Variants in WDR70 observed in about 807,000 individuals in gnomAD.
WDR70 encodes WD repeat domain 70, also known as WD repeat-containing protein 70.
A neutral mutation model predicts 88.6 loss-of-function variants in WDR70; 53 were observed. That is an observed-to-expected ratio of 0.60 (90% confidence interval 0.48 to 0.75). WDR70 has a LOEUF of 0.75. WDR70 is among the 30% of genes least tolerant of loss of function. WDR70 has a pLI of 0.00. For synonymous variants in WDR70, 280 were observed against 270.0 expected (o/e 1.04, Z -0.36); for missense variants, 610 against 823.2 (o/e 0.74, Z 3.17).
At chr5:37,388,106 A>G (rs947491427) in intron 3 of WDR70, among the ~76,000 whole-genome samples, 1 of 152,066 alleles carries the variant, frequency 6.6e-6, no homozygotes, top group Admixed American at 6.6e-5. Context: ...TGTGTAGGAC[A>G]TATGAAATAC....
At chr5:37,537,226 T>G (rs1447869211) in intron 9 of WDR70, among the ~76,000 whole-genome samples, 2 of 152,106 alleles carry the variant, frequency 1.3e-5, no homozygotes, top group Admixed American at 6.6e-5. Context: ...GACAAAAATT[T>G]TGGGAAAATA....
At chr5:37,633,704 C>T (rs1037331297) in intron 10 of WDR70, among the ~76,000 whole-genome samples, 30 of 151,910 alleles carry the variant, frequency 2.0e-4, no homozygotes, top group Admixed American at 1.6e-3. Context: ...TTCACTGAAT[C>T]GTAGTTTGAA....
At chr5:37,510,979 G>A (rs867357816) in intron 8 of WDR70, among the ~76,000 whole-genome samples, 23 of 152,292 alleles carry the variant, frequency 1.5e-4, no homozygotes, top group Middle Eastern at 3.4e-3. Flanking sequence ...GTTTGTCCTT[G>A]CATTGGTGAT....
intron 7 of WDR70, among the ~76,000 whole-genome samples, chr5:37,470,860 T>G (rs1013231418): frequency 6.6e-6 from 1 of 152,008 alleles, no homozygotes; most frequent in African/African-American, 2.4e-5. Flanking sequence ...AGGTCATTGA[T>G]TATGCATACA....
At chr5:37,503,681 A>G (rs1740469871) in intron 8 of WDR70, among the ~76,000 whole-genome samples, 2 of 152,178 alleles carry the variant, frequency 1.3e-5, no homozygotes, top group Admixed American at 6.5e-5. Flanking sequence ...TAGTTTCAGT[A>G]GGATTGGCAC....
At chr5:37,748,251 A>G (rs1023990277) in intron 17 of WDR70, among the ~76,000 whole-genome samples, 3 of 152,226 alleles carry the variant, frequency 2.0e-5, no homozygotes, top group Non-Finnish European at 4.4e-5. Flanking sequence ...CTACAAGGTT[A>G]CAGTAACCAA....
chr5:37,529,186 A>AT (rs1191391837), intron 9 of WDR70, among the ~76,000 whole-genome samples: 1 of 151,798 alleles, frequency 6.6e-6, no homozygotes, highest in African/African-American at 2.4e-5. Context: ...CTTTGTGCCT[A>AT]TTTTTATACC....
At chr5:37,576,771 T>A (rs993444819) in intron 9 of WDR70, among the ~76,000 whole-genome samples, 3 of 152,090 alleles carry the variant, frequency 2.0e-5, no homozygotes, top group African/African-American at 7.2e-5. Context: ...AGTCTTTTTT[T>A]TTTTTTTCCT....
intron 5 of WDR70, among the ~76,000 whole-genome samples, chr5:37,422,091 G>A (rs932050570): frequency 3.3e-5 from 5 of 151,904 alleles, no homozygotes; most frequent in African/African-American, 9.7e-5. Context: ...TGAGGGTAAA[G>A]GATAAGGATG....
intron 10 of WDR70, among the ~76,000 whole-genome samples, chr5:37,609,291 A>C (rs929911425): frequency 1.3e-5 from 2 of 152,172 alleles, no homozygotes; most frequent in Non-Finnish European, 1.5e-5. Flanking sequence ...TCTCTTTATA[A>C]TTCTGGGCTT....
chr5:37,516,421 T>C, intron 8 of WDR70, 93 bp from the exon 9 acceptor site: 1 of 680,602 alleles, frequency 1.5e-6, no homozygotes, highest in South Asian at 2.2e-5. Flanking sequence ...GAACTAAACA[T>C]TTTTACATTT....
rs577179872 is a variant in WDR70, at chr5:37,443,117, T to C, written c.553-122T>C. 4.0e-6 allele frequency: 4 copies of C among 1,002,094 alleles called. No homozygotes were observed. In the African/African-American group the frequency reaches 6.5e-5, roughly 16 times the overall value. The allele number at this position is 1,002,094 out of a possible 1,614,324, so 62.1% of individuals were successfully genotyped here. A position where few individuals can be genotyped will look rare whatever the true frequency, so the allele number is the denominator to read the frequency against. ...CCTGCTTTTCAGAAGTAACAATAGTTGGTGGTTTGTACTTCCAAGTCCTAT... is the reference window on the plus strand; with the variant it reads ...CCTGCTTTTCAGAAGTAACAATAGTCGGTGGTTTGTACTTCCAAGTCCTAT... On this transcript the variant is annotated intron_variant, in intron 6 of 17. Coordinates refer to ENST00000265107, the MANE Select transcript of WDR70 (RefSeq NM_018034.4).
chr5:37,743,131 A>G (rs1748533645), intron 17 of WDR70, among the ~76,000 whole-genome samples: 1 of 152,238 alleles, frequency 6.6e-6, no homozygotes, highest in African/African-American at 2.4e-5. Context: ...AAAATTGACT[A>G]GAAGGCTGGT....
chr5:37,411,512 G>T (rs893297480), intron 5 of WDR70, among the ~76,000 whole-genome samples: 1 of 152,088 alleles, frequency 6.6e-6, no homozygotes, highest in Non-Finnish European at 1.5e-5. Context: ...GATCAGTTGA[G>T]GTCATGAGTT....
rs1252929083 is a variant in WDR70 at position 37,423,779 on chromosome 5, T to C, written c.493-14143T>C. Among the ~76,000 whole-genome samples, 6 of 146,926 alleles carry C rather than the reference T, an allele frequency of 4.1e-5. No individual in the cohort carries two copies. In the East Asian group the frequency reaches 1.3e-3, roughly 32 times the overall value. ...TGGGGTTTCACTGTTGGCCAGGCTG[T>C]TCTCAAACTCCTGACCTCGTGGTCC... is the stretch of plus-strand genomic sequence containing the variant. On this transcript the variant is annotated intron_variant, in intron 5 of 17. Coordinates refer to ENST00000265107, the MANE Select transcript of WDR70 (RefSeq NM_018034.4).
chr5:37,713,845 G>A (rs1407232611), intron 13 of WDR70, among the ~76,000 whole-genome samples: 1 of 152,148 alleles, frequency 6.6e-6, no homozygotes. Context: ...AGGATTTTCT[G>A]ACAGTTTTTC....
At chr5:37,398,998 G>C (rs941711183) in intron 5 of WDR70, among the ~76,000 whole-genome samples, 2 of 152,064 alleles carry the variant, frequency 1.3e-5, no homozygotes, top group African/African-American at 4.8e-5. Flanking sequence ...ACAAAAATAG[G>C]CTGGGCGTAG....
intron 7 of WDR70, among the ~76,000 whole-genome samples, chr5:37,460,723 T>TA (rs201936285): frequency 2.9e-4 from 42 of 143,378 alleles, no homozygotes; most frequent in South Asian, 1.8e-3. Context: ...AAATAAAAAA[T>TA]AAAAACAAAA....
At chr5:37,472,559 A>G (rs1026413466) in intron 7 of WDR70, among the ~76,000 whole-genome samples, 2 of 152,072 alleles carry the variant, frequency 1.3e-5, no homozygotes, top group Non-Finnish European at 1.5e-5. Context: ...CAGTGGCACG[A>G]TCTTGGCTCA....
Sources: allele counts gnomAD v4.1 joint callset (sites outside exome capture counted in the v4.1 genomes callset), GRCh38; gene constraint gnomAD v4.1.1; transcripts MANE v1.5; gene names NCBI Gene and HGNC (gene_info 2026-07-23, HGNC 2026-07-21).